The following AMBRA1 variants were observed in gnomAD, a reference collection of about 807,000 sequenced individuals.
The protein encoded by AMBRA1 is autophagy and beclin 1 regulator 1.
A neutral mutation model predicts 125.4 loss-of-function variants in AMBRA1; 47 were observed. The ratio of observed to expected loss-of-function variants is 0.37; its 90% CI spans 0.30 to 0.48. AMBRA1 has a LOEUF of 0.48. Among genes scored for constraint, AMBRA1 ranks in the 20% least tolerant of loss-of-function variants. The probability of loss-of-function intolerance (pLI) is 0.99; values close to 1 mark genes in which losing one functional copy is unlikely to be tolerated. For synonymous variants in AMBRA1, 626 were observed against 655.5 expected (o/e 0.95, Z 0.69); for missense variants, 1,331 against 1,693.4 (o/e 0.79, Z 3.76).
rs188671935 is a variant in AMBRA1 at position 46,401,643 on chromosome 11, G to T, written c.3404-3700C>A. ...CCCCGGATGGGCTTTCCCAGGCTCTGCGGGAGGCCCTGCTGCTGGCACTCA... is the reference window on the plus strand; with the variant it reads ...CCCCGGATGGGCTTTCCCAGGCTCTTCGGGAGGCCCTGCTGCTGGCACTCA... On this transcript the variant is annotated intron_variant, in intron 17 of 17. Coordinates refer to ENST00000683756, the MANE Select transcript of AMBRA1 (RefSeq NM_001387011.1). 2.6e-5 allele frequency among the ~76,000 whole-genome samples: 4 copies of T among 152,306 alleles called. No homozygotes were observed. In the East Asian group the frequency reaches 7.7e-4, roughly 29 times the overall value.
chr11:46,532,350 T>C (rs780825777), intron 7 of AMBRA1, among the ~76,000 whole-genome samples: 3 of 152,214 alleles, frequency 2.0e-5, no homozygotes, highest in Non-Finnish European at 2.9e-5. Flanking sequence ...AACAAAAGTT[T>C]TTCTCAAAAA....
intron 11 of AMBRA1, among the ~76,000 whole-genome samples, chr11:46,449,599 C>A (rs1286408810): frequency 2.0e-5 from 3 of 152,178 alleles, no homozygotes; most frequent in Non-Finnish European, 4.4e-5. Flanking sequence ...GTCAATTCTT[C>A]TCAGCTGGAT....
chr11:46,403,817 T>G (rs1945875077), intron 17 of AMBRA1, among the ~76,000 whole-genome samples: 1 of 152,056 alleles, frequency 6.6e-6, no homozygotes, highest in South Asian at 2.1e-4. Context: ...AGCCCTTTGG[T>G]GCTAACTGAC....
intron 11 of AMBRA1, among the ~76,000 whole-genome samples, chr11:46,452,702 C>A (rs977713224): frequency 2.0e-5 from 3 of 152,172 alleles, no homozygotes; most frequent in Non-Finnish European, 2.9e-5. Flanking sequence ...TAACTAAGTA[C>A]TCAGTCACAC....
At chr11:46,560,869 G>A (rs763000447) in intron 1 of AMBRA1, among the ~76,000 whole-genome samples, 2 of 152,110 alleles carry the variant, frequency 1.3e-5, no homozygotes, top group East Asian at 1.9e-4. Context: ...CCCCAGAAAC[G>A]GAAACTGAAA....
At chr11:46,505,154 C>T (rs1377631318) in intron 9 of AMBRA1, among the ~76,000 whole-genome samples, 1 of 152,250 alleles carries the variant, frequency 6.6e-6, no homozygotes, top group South Asian at 2.1e-4. Context: ...CCTTACATGT[C>T]TCTCTGTACC....
intron 11 of AMBRA1, among the ~76,000 whole-genome samples, chr11:46,488,134 C>G (rs1179027842): frequency 6.6e-6 from 1 of 152,156 alleles, no homozygotes. Flanking sequence ...CACCTAATGA[C>G]AAAGTCACAA....
intron 1 of AMBRA1, among the ~76,000 whole-genome samples, chr11:46,578,889 A>G (rs1203308009): frequency 6.8e-6 from 1 of 148,072 alleles, no homozygotes; most frequent in Non-Finnish European, 1.5e-5. Flanking sequence ...TCTCAAAAAA[A>G]AAAAAAAAAA....
rs549140079 is a variant in AMBRA1 at position 46,410,402 on chromosome 11, T to C, written c.3117-34A>G. On this transcript the variant is annotated intron_variant, in intron 15 of 17. Transcript: ENST00000683756. ...CAGTTGGGAAGGGTAAAGAAGAAGG[T>C]GAAAGGCATTAGAGAGGGAAGGATA... 3 of 1,574,770 alleles carry C rather than the reference T, an allele frequency of 1.9e-6. No individual in the cohort carries two copies. The East Asian group carries it at 6.7e-5, about 35-fold the overall frequency.
In AMBRA1 at chr11:46,512,953, T is replaced by G. The variant is rs1331282961; in HGVS notation, c.2073-140A>C. On this transcript the variant is annotated intron_variant, in intron 7 of 17. Transcript: ENST00000683756. ...CCTGTTATCTGGGATCACACCCTTCTACAAGCTAAGTAGGTAGAGACACAA... is the reference window on the plus strand; with the variant it reads ...CCTGTTATCTGGGATCACACCCTTCGACAAGCTAAGTAGGTAGAGACACAA... 7 of 661,226 alleles carry G rather than the reference T, an allele frequency of 1.1e-5. No individual in the cohort carries two copies. The East Asian group carries it at 1.8e-4, about 17-fold the overall frequency. The allele number at this position is 661,226 out of a possible 1,614,324, so 41.0% of individuals were successfully genotyped here.
intron 7 of AMBRA1, among the ~76,000 whole-genome samples, chr11:46,525,291 AC>A (rs1258720826): frequency 6.6e-6 from 1 of 151,726 alleles, no homozygotes; most frequent in African/African-American, 2.4e-5. Context: ...ACCGATTGAA[AC>A]CCTGTTTCAA....
intron 17 of AMBRA1, among the ~76,000 whole-genome samples, chr11:46,404,467 G>A (rs1945908655): frequency 6.6e-6 from 1 of 152,222 alleles, no homozygotes; most frequent in Non-Finnish European, 1.5e-5. Flanking sequence ...CTTGCCCTAG[G>A]AGGGACAAGG....
At chr11:46,579,950 T>G (rs1369986995) in intron 1 of AMBRA1, among the ~76,000 whole-genome samples, 4 of 152,202 alleles carry the variant, frequency 2.6e-5, no homozygotes, top group Non-Finnish European at 5.9e-5. Context: ...TGACCTCATG[T>G]GATCTACCTG....
At chr11:46,410,139 C>A (rs1005137818) in intron 16 of AMBRA1, 137 bp downstream of exon 16, 5 of 740,248 alleles carry the variant, frequency 6.8e-6, no homozygotes, top group African/African-American at 1.7e-5. Context: ...TGAAACTGTA[C>A]ACAAAAGATC....
At chr11:46,474,185 C>T (rs1949720288) in intron 11 of AMBRA1, among the ~76,000 whole-genome samples, 1 of 151,308 alleles carries the variant, frequency 6.6e-6, no homozygotes, top group South Asian at 2.1e-4. Flanking sequence ...AAAAGAGTAG[C>T]AATAAATGTG....
chr11:46,505,891 T>C (rs1355911626), intron 9 of AMBRA1, among the ~76,000 whole-genome samples: 1 of 152,080 alleles, frequency 6.6e-6, no homozygotes, highest in Non-Finnish European at 1.5e-5. Flanking sequence ...GAGCCCCACA[T>C]TTCACCACTG....
intron 1 of AMBRA1, among the ~76,000 whole-genome samples, chr11:46,563,518 C>T (rs895053424): frequency 2.6e-5 from 4 of 152,294 alleles, no homozygotes; most frequent in Admixed American, 2.6e-4. Flanking sequence ...AGCCACACGG[C>T]ACCCTGATGA....
intron 17 of AMBRA1, among the ~76,000 whole-genome samples, chr11:46,399,730 C>G (rs541247656): frequency 3.3e-5 from 5 of 152,178 alleles, no homozygotes; most frequent in African/African-American, 7.2e-5. Flanking sequence ...CTTTACCCCC[C>G]AGTCTTCACA....
At chr11:46,499,578 T>C (rs1434717644) in intron 9 of AMBRA1, among the ~76,000 whole-genome samples, 2 of 152,210 alleles carry the variant, frequency 1.3e-5, no homozygotes, top group South Asian at 2.1e-4. Context: ...ATATAGCCTA[T>C]TCTTAATCCT....
Sources: allele counts gnomAD v4.1 joint callset (sites outside exome capture counted in the v4.1 genomes callset), GRCh38; gene constraint gnomAD v4.1.1; transcripts MANE v1.5; gene names NCBI Gene and HGNC (gene_info 2026-07-23, HGNC 2026-07-21).